Variants in NEXMIF observed in about 807,000 individuals in gnomAD.
NEXMIF encodes XLMR protein related to neurite extension.
In NEXMIF, 8 loss-of-function variants were observed where a neutral mutation model predicts 62.1. The observed-to-expected ratio is 0.13, with a 90% confidence interval of 0.08 to 0.23. NEXMIF has a LOEUF of 0.23. NEXMIF is among the 10% of genes least tolerant of loss of function. The pLI is 1.00. For synonymous variants in NEXMIF, 404 were observed against 416.6 expected (o/e 0.97, Z 0.37); for missense variants, 976 against 1,113.3 (o/e 0.88, Z 1.75).
At position 74,739,298 on chromosome X, in the gene NEXMIF, G is replaced by T; in HGVS notation, c.*107C>A. On this transcript the variant is annotated 3_prime_UTR_variant, in exon 4 of 4. Transcript: ENST00000055682. ...CTTTTACATAGAACATGAGATTAAA[G>T]TTTGCTCCAAAGACGTATTCCCACA... The T allele has an allele frequency of 2.0e-6, 1 of 506,177 alleles. No individual in the cohort carries two copies. Among genetic ancestry groups the T allele is most frequent in the Non-Finnish European group, 3.2e-6 (1 of 312,886 alleles). The allele number at this position is 506,177 out of a possible 1,213,427, so 41.7% of individuals were successfully genotyped here.
intron 1 of NEXMIF, among the ~76,000 whole-genome samples, chrX:74,843,575 C>A (rs2080481183): frequency 9.0e-6 from 1 of 110,721 alleles, no homozygotes; most frequent in Non-Finnish European, 1.9e-5. Flanking sequence ...CCAACACGCA[C>A]AGCTAATTTT....
intron 1 of NEXMIF, among the ~76,000 whole-genome samples, chrX:74,815,562 G>C (rs191118889): frequency 1.2e-3 from 135 of 110,316 alleles, no homozygotes; most frequent in Non-Finnish European, 2.3e-3. Flanking sequence ...AAAAACCAGT[G>C]GTTCTTACTG....
At chrX:74,818,774 C>A (rs2080384537) in intron 1 of NEXMIF, among the ~76,000 whole-genome samples, 1 of 111,695 alleles carries the variant, frequency 9.0e-6, no homozygotes, top group African/African-American at 3.2e-5. Flanking sequence ...AAAACAACCC[C>A]ATTAAAAAGT....
intron 1 of NEXMIF, among the ~76,000 whole-genome samples, chrX:74,790,200 T>C (rs1256805846): frequency 4.6e-5 from 5 of 109,329 alleles, no homozygotes; most frequent in South Asian, 8.0e-4. Flanking sequence ...ATATGGCTAG[T>C]CAGTTTTCCC....
intron 1 of NEXMIF, among the ~76,000 whole-genome samples, chrX:74,787,222 G>A (rs780136458): frequency 1.9e-5 from 2 of 107,847 alleles, no homozygotes; most frequent in Non-Finnish European, 3.8e-5. Flanking sequence ...GGCGGAGGTT[G>A]TGGTGAGCCA....
rs111596683 is a variant in NEXMIF, at chrX:74,844,202, C to T, written c.-48+80681G>A. Among the ~76,000 whole-genome samples the T allele has an allele frequency of 3.7e-3, 410 of 111,249 alleles. 1 individual carries two copies. The highest frequency in any genetic ancestry group is 0.013 in the African/African-American group (389 of 30,630). ...GTGACCTGCCCATTCTCTCTAGCTGCCTTTAACATTCTTTCTTTCATTTTG... is the reference window on the plus strand; with the variant it reads ...GTGACCTGCCCATTCTCTCTAGCTGTCTTTAACATTCTTTCTTTCATTTTG... On this transcript the variant is annotated intron_variant, in intron 1 of 3. Transcript: ENST00000055682.
intron 1 of NEXMIF, among the ~76,000 whole-genome samples, chrX:74,882,573 C>T (rs1262770291): frequency 8.9e-6 from 1 of 111,749 alleles, no homozygotes; most frequent in Non-Finnish European, 1.9e-5. Context: ...TGAGATCAAA[C>T]TGCAAGGTGG....
At chrX:74,882,303 G>C (rs181352519) in intron 1 of NEXMIF, among the ~76,000 whole-genome samples, 1 of 112,062 alleles carries the variant, frequency 8.9e-6, no homozygotes, top group Non-Finnish European at 1.9e-5. Flanking sequence ...GTTGGTGCAG[G>C]ACAGTGGGTG....
In NEXMIF at chrX:74,866,707, T is replaced by C. The variant is rs145632666; in HGVS notation, c.-48+58176A>G. ...GGTTTTTACCATGCTGTTCTCATGA[T>C]AGTGAATAAGTCTCAAAAAGCCTGT... On this transcript the variant is annotated intron_variant, in intron 1 of 3. Transcript: ENST00000055682. Among the ~76,000 whole-genome samples the C allele has an allele frequency of 2.0e-3, 230 of 112,558 alleles. 1 individual carries two copies. Among genetic ancestry groups the C allele is most frequent in the Non-Finnish European group, 3.5e-3 (187 of 53,286 alleles).
rs1182025654 is a variant in NEXMIF, at chrX:74,925,386, T to C, written c.-551A>G. 3.3e-5 allele frequency: 6 copies of C among 182,577 alleles called. No individual in the cohort carries two copies. The East Asian group carries it at 1.1e-3, about 33-fold the overall frequency. 15.0% of individuals were successfully genotyped at this position (182,577 alleles called of 1,213,427 possible). On this transcript the variant is annotated 5_prime_UTR_variant, in exon 1 of 4. Transcript: ENST00000055682. ...TGCTAAATGCTGCTACTGCCGCTAATGCTACTGCTGTGGCGGCGGTGGTGG... is the reference window on the plus strand; with the variant it reads ...TGCTAAATGCTGCTACTGCCGCTAACGCTACTGCTGTGGCGGCGGTGGTGG...
rs763115009 is a variant in NEXMIF at position 74,856,833 on chromosome X, GGAGA to G, written c.-48+68046_-48+68049del. Among the ~76,000 whole-genome samples, 3 of 111,973 alleles carry G rather than the reference GGAGA, an allele frequency of 2.7e-5. No homozygotes were observed. In the East Asian group the frequency reaches 8.5e-4, roughly 32 times the overall value. On this transcript the variant is annotated intron_variant, in intron 1 of 3. Coordinates refer to ENST00000055682, the MANE Select transcript of NEXMIF (RefSeq NM_001008537.3). Reference sequence around the variant, plus strand: ...TCCCCCAGCAGTGGCTGTGTGGCATGGAGAGAGAATCTCTGTGCTTAGGAGAAGG... The same window carrying G: ...TCCCCCAGCAGTGGCTGTGTGGCATGGAGAATCTCTGTGCTTAGGAGAAGG...
chrX:74,747,785 T>A (rs2080130237), intron 1 of NEXMIF, among the ~76,000 whole-genome samples: 1 of 110,980 alleles, frequency 9.0e-6, no homozygotes, highest in African/African-American at 3.3e-5. Context: ...CCAGCTAATT[T>A]TTGTATTTTT....
rs1309957874 is a variant in NEXMIF at position 74,733,120 on chromosome X, G to A, written c.*6285C>T. ...TTAAAATTCAGATTCTCATTCAGCAGAATTGGTGTAGGGCTTGGAATTTCG... is the reference window on the plus strand; with the variant it reads ...TTAAAATTCAGATTCTCATTCAGCAAAATTGGTGTAGGGCTTGGAATTTCG... On this transcript the variant is annotated 3_prime_UTR_variant, in exon 4 of 4. Coordinates refer to ENST00000055682, the MANE Select transcript of NEXMIF (RefSeq NM_001008537.3). 9.0e-6 allele frequency: 1 copy of A among 111,675 alleles called. No individual in the cohort carries two copies. The highest frequency in any genetic ancestry group is 1.9e-5 in the Non-Finnish European group (1 of 53,155). The allele number at this position is 111,675 out of a possible 1,213,427, so 9.2% of individuals were successfully genotyped here. A position where few individuals can be genotyped will look rare whatever the true frequency, so the allele number is the denominator to read the frequency against.
intron 1 of NEXMIF, among the ~76,000 whole-genome samples, chrX:74,755,215 C>T (rs775853961): frequency 1.6e-4 from 18 of 112,319 alleles, no homozygotes; most frequent in Non-Finnish European, 2.6e-4. Flanking sequence ...TGCTGGAAGG[C>T]TGGGACTGTC....
intron 1 of NEXMIF, among the ~76,000 whole-genome samples, chrX:74,800,956 G>C (rs1273134778): frequency 1.8e-5 from 2 of 110,905 alleles, no homozygotes; most frequent in African/African-American, 6.6e-5. Flanking sequence ...AAAATGCTCT[G>C]TGCTCCACCT....
intron 1 of NEXMIF, among the ~76,000 whole-genome samples, chrX:74,801,494 C>T (rs990102127): frequency 8.9e-6 from 1 of 111,753 alleles, no homozygotes; most frequent in African/African-American, 3.3e-5. Context: ...AGGGAAAATG[C>T]TGCCTTGAAA....
chrX:74,806,914 G>C (rs185364410), intron 1 of NEXMIF, among the ~76,000 whole-genome samples: 2 of 112,580 alleles, frequency 1.8e-5, no homozygotes, highest in Non-Finnish European at 3.8e-5. Flanking sequence ...CTATTTGTCT[G>C]TTGCCAATTC....
intron 1 of NEXMIF, among the ~76,000 whole-genome samples, chrX:74,815,660 A>G (rs2080373608): frequency 1.0e-5 from 1 of 98,244 alleles, no homozygotes; most frequent in South Asian, 4.9e-4. Context: ...TTTGAGATGG[A>G]GTCTCGCTCT....
At chrX:74,845,065 A>C (rs1286719659) in intron 1 of NEXMIF, among the ~76,000 whole-genome samples, 3 of 112,300 alleles carry the variant, frequency 2.7e-5, no homozygotes, top group Non-Finnish European at 5.6e-5. Flanking sequence ...GATTATGTAC[A>C]TATATCACTT....
Sources: allele counts gnomAD v4.1 joint callset (sites outside exome capture counted in the v4.1 genomes callset), GRCh38; gene constraint gnomAD v4.1.1; transcripts MANE v1.5; gene names NCBI Gene and HGNC (gene_info 2026-07-23, HGNC 2026-07-21).